Variants in TLE4 observed in about 807,000 individuals in gnomAD.
TLE4 encodes the protein TLE family member 4, transcriptional corepressor.
Under a neutral mutation model 92.8 loss-of-function variants are expected in TLE4, and 8 were observed. The observed-to-expected ratio is 0.09, with a 90% CI of 0.05 to 0.16. The LOEUF is 0.16. TLE4 is among the 10% of genes least tolerant of loss of function. The probability of loss-of-function intolerance (pLI) is 1.00; values close to 1 mark genes in which losing one functional copy is unlikely to be tolerated. For missense variants in TLE4, 675 were observed against 997.6 expected (o/e 0.68, Z 4.36); for synonymous variants, 371 against 374.1 (o/e 0.99, Z 0.10).
intron 6 of TLE4, among the ~76,000 whole-genome samples, chr9:79,642,505 A>C (rs1345012923): frequency 6.6e-6 from 1 of 151,996 alleles, no homozygotes; most frequent in Non-Finnish European, 1.5e-5. Flanking sequence ...GGTGACTTTA[A>C]AGACTAAAAC....
intron 4 of TLE4, among the ~76,000 whole-genome samples, chr9:79,586,361 C>CAA (rs796367203): frequency 9.3e-6 from 1 of 107,684 alleles, no homozygotes; most frequent in African/African-American, 3.5e-5. Context: ...GACTCTGTCA[C>CAA]AAAAAAAAAA....
At chr9:79,692,165 T>G (rs1432704721) in intron 8 of TLE4, among the ~76,000 whole-genome samples, 6 of 152,216 alleles carry the variant, frequency 3.9e-5, no homozygotes, top group Non-Finnish European at 7.3e-5. Context: ...GATGCAAACC[T>G]AGTCTTCACT....
chr9:79,710,868 A>G (rs935055071), intron 14 of TLE4, among the ~76,000 whole-genome samples: 1 of 152,208 alleles, frequency 6.6e-6, no homozygotes, highest in Non-Finnish European at 1.5e-5. Context: ...TTATAGAAGC[A>G]GTCTCACTGC....
chr9:79,647,045 A>G (rs2058212443), intron 6 of TLE4, among the ~76,000 whole-genome samples: 1 of 152,216 alleles, frequency 6.6e-6, no homozygotes, highest in African/African-American at 2.4e-5. Flanking sequence ...TATAATAACA[A>G]ATGAAAAAGC....
chr9:79,714,523 T>C (rs770195919), intron 14 of TLE4, among the ~76,000 whole-genome samples: 5 of 152,246 alleles, frequency 3.3e-5, no homozygotes, highest in African/African-American at 1.2e-4. Context: ...ATCTGGAATA[T>C]TTTTTCCATC....
intron 3 of TLE4, among the ~76,000 whole-genome samples, chr9:79,575,450 TA>T (rs2037443505): frequency 1.3e-5 from 2 of 152,210 alleles, no homozygotes; most frequent in Non-Finnish European, 1.5e-5. Context: ...ACTATTACAT[TA>T]ATATTTGTAT....
chr9:79,649,861 A>G (rs764830225), intron 6 of TLE4: 3 of 1,364,050 alleles, frequency 2.2e-6, no homozygotes, highest in Non-Finnish European at 2.0e-6. Flanking sequence ...CATTAAAGGT[A>G]TTGGGCTTTG....
chr9:79,721,843 C>G lies in TLE4; in HGVS notation c.1941C>G (p.Asp647Glu). 1 of 1,614,022 alleles carries G rather than the reference C, an allele frequency of 6.2e-7. No homozygotes were observed. The highest frequency in any genetic ancestry group is 8.5e-7 in the Non-Finnish European group (1 of 1,180,004). The change falls in exon 17 of 20, where the codon GAC (aspartate) becomes GAG (glutamate). Residue 647 changes from aspartate to glutamate, a missense_variant. Transcript: ENST00000376552. ...TGGACAACACGGTCAGGTCCTGGGACCTGCGCGAGGGGCGGCAGCTGCAGC... is the reference window on the plus strand; with the variant it reads ...TGGACAACACGGTCAGGTCCTGGGAGCTGCGCGAGGGGCGGCAGCTGCAGC... ...GGLDNTVRSW[D>E]LREGRQLQQH...
intron 4 of TLE4, among the ~76,000 whole-genome samples, chr9:79,606,639 T>A (rs1188538524): frequency 6.6e-6 from 1 of 152,064 alleles, no homozygotes; most frequent in African/African-American, 2.4e-5. Flanking sequence ...TGGTTTTCTG[T>A]CCTTGTGATA....
At chr9:79,587,877 A>G (rs780852285) in intron 4 of TLE4, among the ~76,000 whole-genome samples, 2 of 152,224 alleles carry the variant, frequency 1.3e-5, no homozygotes, top group East Asian at 3.8e-4. Flanking sequence ...TACCAGGTAA[A>G]GCACTAAATG....
chr9:79,580,730 A>G (rs2039417662), intron 4 of TLE4, among the ~76,000 whole-genome samples: 2 of 151,234 alleles, frequency 1.3e-5, no homozygotes, highest in African/African-American at 4.9e-5. Flanking sequence ...TTTTTTTCAG[A>G]GATAGGTATA....
chr9:79,653,969 A>T, intron 7 of TLE4, 90 bp from the exon 8 acceptor site: 4 of 1,405,394 alleles, frequency 2.8e-6, no homozygotes, highest in Non-Finnish European at 4.0e-6. Context: ...AGTTTGATAA[A>T]TCAGTATGAT....
chr9:79,671,422 G>A (rs1189739154), intron 8 of TLE4: 5 of 340,524 alleles, frequency 1.5e-5, no homozygotes, highest in South Asian at 6.4e-5. Flanking sequence ...TTTGCAGAGA[G>A]CCTCTTTTAT....
At chr9:79,686,916 T>C (rs1237612888) in intron 8 of TLE4, among the ~76,000 whole-genome samples, 1 of 152,238 alleles carries the variant, frequency 6.6e-6, no homozygotes, top group Non-Finnish European at 1.5e-5. Context: ...CTAAATCCAG[T>C]GAGCATCTAC....
chr9:79,638,528 C>T (rs1440508643), intron 6 of TLE4, among the ~76,000 whole-genome samples: 1 of 152,062 alleles, frequency 6.6e-6, no homozygotes, highest in African/African-American at 2.4e-5. Context: ...GCTAGTCTGA[C>T]CCTTGTGATT....
In TLE4 at chr9:79,576,411, C is replaced by G. The variant is rs536986409; in HGVS notation, c.252+234C>G. ...TTAAAAAGTCTGAATACATATTAAA[C>G]TCTGTACACTTTCAAAAGCAGGATG... On this transcript the variant is annotated intron_variant, in intron 4 of 19. Coordinates refer to ENST00000376552, the MANE Select transcript of TLE4 (RefSeq NM_007005.6). The G allele has an allele frequency of 1.3e-5, 4 of 311,292 alleles. No individual in the cohort carries two copies. The South Asian group carries it at 6.2e-4, about 48-fold the overall frequency. The allele number at this position is 311,292 out of a possible 1,614,324, so 19.3% of individuals were successfully genotyped here. A position where few individuals can be genotyped will look rare whatever the true frequency, so the allele number is the denominator to read the frequency against.
rs17082573 is a variant in TLE4 at position 79,611,223 on chromosome 9, G to A, written c.253-1433G>A. Among the ~76,000 whole-genome samples the A allele has an allele frequency of 5.0e-3, 760 of 152,148 alleles. 11 individuals carry two copies. Among genetic ancestry groups the A allele is most frequent in the African/African-American group, 0.017 (716 of 41,522 alleles). Reference sequence around the variant, plus strand: ...ATTGCAGCTCTTCATGGTGGCTTAAGCATTCTTAAAGGATGGCTAAATGCT... The same window carrying A: ...ATTGCAGCTCTTCATGGTGGCTTAAACATTCTTAAAGGATGGCTAAATGCT... On this transcript the variant is annotated intron_variant, in intron 4 of 19. Coordinates refer to ENST00000376552, the MANE Select transcript of TLE4 (RefSeq NM_007005.6).
intron 6 of TLE4, among the ~76,000 whole-genome samples, chr9:79,632,400 A>G (rs111696355): frequency 5.9e-5 from 9 of 152,238 alleles, no homozygotes; most frequent in Admixed American, 2.6e-4. Flanking sequence ...GTGGTTCACT[A>G]TTCATAGGCC....
At chr9:79,638,747 G>A (rs559664481) in intron 6 of TLE4, among the ~76,000 whole-genome samples, 7 of 152,212 alleles carry the variant, frequency 4.6e-5, no homozygotes, top group Admixed American at 1.3e-4. Flanking sequence ...ATTAATATCT[G>A]GGAGAAGAAA....
Sources: gnomAD v4.1 joint callset for allele counts (sites outside exome capture counted in the v4.1 genomes callset) on GRCh38, gnomAD v4.1.1 for gene constraint, MANE v1.5 for transcripts, NCBI Gene and HGNC (gene_info 2026-07-23, HGNC 2026-07-21) for gene names.